The following TBC1D14 variants were observed in gnomAD, a reference collection of about 807,000 sequenced individuals.
TBC1D14 encodes TBC1 domain family member 14.
Under a neutral mutation model 79.0 loss-of-function variants are expected in TBC1D14, and 26 were observed. The observed-to-expected ratio is 0.33, with a 90% CI of 0.24 to 0.46. The LOEUF (loss-of-function observed/expected upper bound fraction) is 0.46, where lower values mean the gene tolerates loss of function less well. Ranked by LOEUF, TBC1D14 falls within the 20% of genes least tolerant of loss-of-function variation. The pLI is 1.00. For missense variants in TBC1D14, 769 were observed against 887.6 expected (o/e 0.87, Z 1.70); for synonymous variants, 394 against 349.9 (o/e 1.13, Z -1.40).
Position 6,909,960 on chromosome 4 carries a change from A to G in TBC1D14, c.-18+9A>G, listed in dbSNP as rs1218610873. ...GAGCCGCGCTAACTCCGGTACTGAG[A>G]GCCTCCCGCGAGGGCCGGGCCGCGG... On this transcript the variant is annotated intron_variant, in intron 1 of 13. Coordinates refer to ENST00000409757, the MANE Select transcript of TBC1D14 (RefSeq NM_020773.3). 2.0e-5 allele frequency: 3 copies of G among 146,850 alleles called. No individual in the cohort carries two copies. The highest frequency in any genetic ancestry group is 3.0e-5 in the Non-Finnish European group (2 of 66,072). 9.1% of individuals were successfully genotyped at this position (146,850 alleles called of 1,614,324 possible).
chr4:6,993,094 A>G (rs1183343095), intron 3 of TBC1D14, among the ~76,000 whole-genome samples: 1 of 152,192 alleles, frequency 6.6e-6, no homozygotes, highest in East Asian at 1.9e-4. Context: ...GCCTCTTGAC[A>G]GCTAGTTTCC....
chr4:7,026,227 G>A (rs770618651), intron 13 of TBC1D14, among the ~76,000 whole-genome samples: 2 of 151,426 alleles, frequency 1.3e-5, no homozygotes, highest in South Asian at 2.1e-4. Flanking sequence ...ACCCCCACAC[G>A]CCTGCTCTGC....
chr4:7,028,551 C>T (rs933066393), intron 13 of TBC1D14, among the ~76,000 whole-genome samples: 3 of 151,956 alleles, frequency 2.0e-5, no homozygotes, highest in African/African-American at 4.8e-5. Context: ...CTCAGCCTCC[C>T]GAGTAGCTGG....
chr4:6,946,157 C>T (rs929224104), intron 2 of TBC1D14, among the ~76,000 whole-genome samples: 3 of 152,062 alleles, frequency 2.0e-5, no homozygotes, highest in African/African-American at 7.3e-5. Flanking sequence ...CATTTCCGGT[C>T]ATCAGGAACT....
intron 2 of TBC1D14, among the ~76,000 whole-genome samples, chr4:6,925,151 G>C (rs1369209674): frequency 1.3e-5 from 2 of 152,164 alleles, no homozygotes; most frequent in Non-Finnish European, 2.9e-5. Context: ...AAATTAGCCA[G>C]GTATGGTGGT....
chr4:7,017,313 C>G (rs887744479), intron 12 of TBC1D14, among the ~76,000 whole-genome samples: 5 of 152,074 alleles, frequency 3.3e-5, no homozygotes, highest in African/African-American at 9.7e-5. Flanking sequence ...AACAAACAAA[C>G]AAAAAATAAA....
chr4:6,991,791 G>A (rs1183653461), intron 3 of TBC1D14, among the ~76,000 whole-genome samples: 2 of 152,340 alleles, frequency 1.3e-5, no homozygotes, highest in South Asian at 2.1e-4. Flanking sequence ...GTGTGCACGC[G>A]TAAAGCACTC....
chr4:6,938,423 G>A (rs1459363374), intron 2 of TBC1D14, among the ~76,000 whole-genome samples: 1 of 152,162 alleles, frequency 6.6e-6, no homozygotes, highest in Non-Finnish European at 1.5e-5. Flanking sequence ...AACAGGGATC[G>A]TGGTCACACG....
rs904373899 is a variant in TBC1D14, at chr4:7,016,793, T to G, written c.1757+2236T>G. ...GTTGCCTTCGTGATCCACTGGCTGT[T>G]GTCTGGGTCATGCCTGGCAGTGTGA... On this transcript the variant is annotated intron_variant, in intron 12 of 13. Coordinates refer to ENST00000409757, the MANE Select transcript of TBC1D14 (RefSeq NM_020773.3). Among the ~76,000 whole-genome samples, 6 of 152,318 alleles carry G rather than the reference T, an allele frequency of 3.9e-5. 1 individual carries two copies. The South Asian group carries it at 8.3e-4, about 21-fold the overall frequency.
intron 2 of TBC1D14, among the ~76,000 whole-genome samples, chr4:6,933,939 G>C (rs538436262): frequency 1.1e-4 from 17 of 152,298 alleles, no homozygotes; most frequent in African/African-American, 4.1e-4. Context: ...GAATGGATGT[G>C]GGTGTGGAGA....
chr4:7,006,627 G>C lies in TBC1D14; in HGVS notation c.1352-5G>C. ...AATGTAATTATTTTTGGCATCTTTTGACAGATGCTGGTTTTTCAGCAGCAG... is the reference window on the plus strand; with the variant it reads ...AATGTAATTATTTTTGGCATCTTTTCACAGATGCTGGTTTTTCAGCAGCAG... On this transcript the variant is annotated splice_region_variant and splice_polypyrimidine_tract_variant and intron_variant, in intron 8 of 13. Coordinates refer to ENST00000409757, the MANE Select transcript of TBC1D14 (RefSeq NM_020773.3). 6.2e-7 allele frequency: 1 copy of C among 1,612,602 alleles called. No homozygotes were observed. Among genetic ancestry groups the C allele is most frequent in the Non-Finnish European group, 8.5e-7 (1 of 1,178,940 alleles).
chr4:7,010,958 G>C (rs999102644), intron 11 of TBC1D14, among the ~76,000 whole-genome samples, 177 bp downstream of exon 11: 2 of 152,200 alleles, frequency 1.3e-5, no homozygotes, highest in Non-Finnish European at 2.9e-5. Context: ...CATGGAAGCT[G>C]AAAAAGACAC....
chr4:7,020,311 C>T (rs928351072), intron 12 of TBC1D14, among the ~76,000 whole-genome samples: 1 of 152,234 alleles, frequency 6.6e-6, no homozygotes, highest in Non-Finnish European at 1.5e-5. Context: ...CCATCTCCAA[C>T]TTTTAACAAA....
chr4:6,942,141 T>G (rs1449664305), intron 2 of TBC1D14, among the ~76,000 whole-genome samples: 1 of 152,272 alleles, frequency 6.6e-6, no homozygotes, highest in Non-Finnish European at 1.5e-5. Context: ...AATAATGCAG[T>G]AATTAAAACG....
At chr4:6,991,124 A>C (rs1347348639) in intron 3 of TBC1D14, among the ~76,000 whole-genome samples, 2 of 152,224 alleles carry the variant, frequency 1.3e-5, no homozygotes, top group Non-Finnish European at 2.9e-5. Context: ...TTCAAGTATG[A>C]GCAGGCTAGG....
intron 2 of TBC1D14, among the ~76,000 whole-genome samples, chr4:6,955,376 C>T (rs1714529337): frequency 6.6e-6 from 1 of 152,180 alleles, no homozygotes; most frequent in East Asian, 1.9e-4. Flanking sequence ...CCTCGGTGTC[C>T]TGTCCGTACG....
At chr4:6,991,386 C>G (rs1445168042) in intron 3 of TBC1D14, among the ~76,000 whole-genome samples, 1 of 152,216 alleles carries the variant, frequency 6.6e-6, no homozygotes, top group African/African-American at 2.4e-5. Context: ...AGCTTCCCCA[C>G]TTGCCCGCCG....
chr4:6,919,068 C>T (rs182840829), intron 1 of TBC1D14, among the ~76,000 whole-genome samples: 13 of 152,092 alleles, frequency 8.5e-5, no homozygotes, highest in South Asian at 2.1e-4. Flanking sequence ...AGGCGATGTC[C>T]GGATTCTTTC....
At chr4:6,920,525 C>T (rs1490833264) in intron 1 of TBC1D14, among the ~76,000 whole-genome samples, 2 of 152,258 alleles carry the variant, frequency 1.3e-5, no homozygotes, top group African/African-American at 2.4e-5. Context: ...CGTGCAGGCT[C>T]CTTACAAAAG....
Sources: gnomAD v4.1 joint callset for allele counts (sites outside exome capture counted in the v4.1 genomes callset) on GRCh38, gnomAD v4.1.1 for gene constraint, MANE v1.5 for transcripts, NCBI Gene and HGNC (gene_info 2026-07-23, HGNC 2026-07-21) for gene names.